THSD4: variants seen among roughly 807,000 people sequenced by gnomAD.
The protein encoded by THSD4 is thrombospondin type-1 domain-containing protein 4.
In THSD4, 69 loss-of-function variants were observed where a neutral mutation model predicts 119.0. The ratio of observed to expected loss-of-function variants is 0.58; its 90% confidence interval spans 0.48 to 0.71. The LOEUF (loss-of-function observed/expected upper bound fraction) is 0.71. Among genes scored for constraint, THSD4 ranks in the 30% least tolerant of loss-of-function variants. The pLI, the probability that THSD4 is intolerant of heterozygous loss-of-function variation, is 0.00. For synonymous variants in THSD4, 524 were observed against 540.4 expected (o/e 0.97, Z 0.42); for missense variants, 1,393 against 1,391.1 (o/e 1.00, Z -0.02).
intron 7 of THSD4, among the ~76,000 whole-genome samples, chr15:71,559,955 ATAT>A (rs2049087369): frequency 6.6e-6 from 1 of 152,196 alleles, no homozygotes; most frequent in South Asian, 2.1e-4. Flanking sequence ...ATAAATGAAA[ATAT>A]TATTTAGTCT....
chr15:71,534,754 G>A lies in THSD4; in HGVS notation c.1152+122931G>A, dbSNP rs1224402651. Among the ~76,000 whole-genome samples the A allele has an allele frequency of 4.6e-5, 7 of 152,244 alleles. No homozygotes were observed. The South Asian group carries it at 1.2e-3, about 27-fold the overall frequency. On this transcript the variant is annotated intron_variant, in intron 7 of 17. Coordinates refer to ENST00000261862, the MANE Select transcript of THSD4 (RefSeq NM_024817.3). ...AGCACTTTGGTAGGCCAAGGCGGGC[G>A]GATCACCTGAGTTCAGGAGTTCGAG...
At chr15:71,470,662 T>C (rs1595798800) in intron 7 of THSD4, among the ~76,000 whole-genome samples, 1 of 151,232 alleles carries the variant, frequency 6.6e-6, no homozygotes, top group South Asian at 2.1e-4. Context: ...GGAGTCTCGC[T>C]CTGTCGCCCA....
At chr15:71,558,624 A>G (rs1251744733) in intron 7 of THSD4, among the ~76,000 whole-genome samples, 1 of 151,984 alleles carries the variant, frequency 6.6e-6, no homozygotes, top group Non-Finnish European at 1.5e-5. Flanking sequence ...GCATGCCACC[A>G]CATCTGGCTA....
intron 3 of THSD4, among the ~76,000 whole-genome samples, chr15:71,214,771 C>T (rs977945946): frequency 6.6e-6 from 1 of 152,234 alleles, no homozygotes; most frequent in African/African-American, 2.4e-5. Flanking sequence ...AAAGGGGACT[C>T]CTGAAACCGC....
rs1236442237 is a variant in THSD4, at chr15:71,242,668, A to G, written c.484A>G (p.Ile162Val). 2.5e-6 allele frequency: 4 copies of G among 1,613,904 alleles called. No homozygotes were observed. In the African/African-American group the frequency reaches 5.3e-5, roughly 22 times the overall value. ...GDRRSRTRGTIGPGKYGYGKA... is the reference protein window; with the variant it reads ...GDRRSRTRGTVGPGKYGYGKA... ...CTTTAGGAGCAGGACCCGTGGTACC[A>G]TTGGCCCTGGCAAGTATGGCTATGG... Residue 162 changes from isoleucine (I) to valine (V), a missense_variant, in exon 5 of 18, where the codon ATT becomes GTT. Physicochemically the swap from Ile to Val is conservative, Grantham distance 29 (BLOSUM62 3). Coordinates refer to ENST00000261862, the MANE Select transcript of THSD4 (RefSeq NM_024817.3).
intron 10 of THSD4, chr15:71,732,584 G>T (rs573590138): frequency 2.0e-5 from 3 of 152,318 alleles, no homozygotes; most frequent in Admixed American, 6.5e-5. Context: ...CTTAGAAACT[G>T]CTGTGCTGAG....
chr15:71,532,789 G>A (rs1205957799), intron 7 of THSD4, among the ~76,000 whole-genome samples: 1 of 151,802 alleles, frequency 6.6e-6, no homozygotes, highest in African/African-American at 2.4e-5. Flanking sequence ...TGTTCTATTC[G>A]AAGCAGAAAA....
chr15:71,338,647 T>G (rs1362882190), intron 6 of THSD4, among the ~76,000 whole-genome samples: 1 of 152,088 alleles, frequency 6.6e-6, no homozygotes, highest in African/African-American at 2.4e-5. Flanking sequence ...CTTTTGTTTT[T>G]GAGTTAGTTC....
chr15:71,372,171 G>A (rs1178103395), intron 6 of THSD4, among the ~76,000 whole-genome samples: 1 of 152,146 alleles, frequency 6.6e-6, no homozygotes, highest in African/African-American at 2.4e-5. Context: ...ATTCTAGTTA[G>A]CCATTTGTCT....
At chr15:71,125,253 G>A (rs572571601) in intron 1 of THSD4, among the ~76,000 whole-genome samples, 4 of 152,336 alleles carry the variant, frequency 2.6e-5, no homozygotes, top group Admixed American at 2.6e-4. Context: ...ACTCCCAACA[G>A]CCTGCTGGCT....
At chr15:71,473,056 CTTT>C (rs35085059) in intron 7 of THSD4, among the ~76,000 whole-genome samples, 22,670 of 129,022 alleles carry the variant, frequency 0.18, 1,620 homozygotes, top group South Asian at 0.3. Context: ...CTGTATTTGG[CTTT>C]TTTTTTTTTT....
intron 8 of THSD4, among the ~76,000 whole-genome samples, chr15:71,727,320 A>G (rs554092843): frequency 6.6e-6 from 1 of 152,018 alleles, no homozygotes; most frequent in Non-Finnish European, 1.5e-5. Context: ...AATGAAGCTG[A>G]CCAGGTACAT....
At chr15:71,352,259 T>A (rs1348357982) in intron 6 of THSD4, among the ~76,000 whole-genome samples, 5 of 152,206 alleles carry the variant, frequency 3.3e-5, no homozygotes, top group African/African-American at 9.7e-5. Context: ...GTGTCACTAT[T>A]ACGTGCAGCC....
At chr15:71,556,276 AT>A (rs1478577626) in intron 7 of THSD4, among the ~76,000 whole-genome samples, 15 of 152,352 alleles carry the variant, frequency 9.8e-5, no homozygotes, top group African/African-American at 3.6e-4. Flanking sequence ...AACATAGTGT[AT>A]AAGCTTTACA....
chr15:71,368,253 T>C (rs1428195738), intron 6 of THSD4, among the ~76,000 whole-genome samples: 4 of 152,348 alleles, frequency 2.6e-5, no homozygotes, highest in Non-Finnish European at 5.9e-5. Context: ...ACTCTGATGG[T>C]TGTTTCTTTT....
At chr15:71,569,770 G>C (rs779712692) in intron 7 of THSD4, among the ~76,000 whole-genome samples, 60 of 152,222 alleles carry the variant, frequency 3.9e-4, no homozygotes, top group Non-Finnish European at 7.6e-4. Context: ...AAGTCGGGCA[G>C]ATCACTTGAG....
chr15:71,395,992 C>T lies in THSD4; in HGVS notation c.1016-15695C>T, dbSNP rs539275519. On this transcript the variant is annotated intron_variant, in intron 6 of 17. Coordinates refer to ENST00000261862, the MANE Select transcript of THSD4 (RefSeq NM_024817.3). Reference sequence around the variant, plus strand: ...TTGAGCACATGGCCTGTTGTTCAGGCGTCGGGATTCGCTGAGTGGACCCAC... The same window carrying T: ...TTGAGCACATGGCCTGTTGTTCAGGTGTCGGGATTCGCTGAGTGGACCCAC... 1.1e-4 allele frequency among the ~76,000 whole-genome samples: 17 copies of T among 149,652 alleles called. 1 individual carries two copies. In the South Asian group the frequency reaches 3.2e-3, roughly 28 times the overall value.
chr15:71,326,507 T>A (rs1355466616), intron 6 of THSD4, among the ~76,000 whole-genome samples: 1 of 148,548 alleles, frequency 6.7e-6, no homozygotes, highest in Non-Finnish European at 1.5e-5. Flanking sequence ...TGAAACCCCG[T>A]CTCTACTAAA....
intron 6 of THSD4, among the ~76,000 whole-genome samples, chr15:71,405,914 T>A (rs967955854): frequency 2.2e-4 from 12 of 55,568 alleles, no homozygotes; most frequent in African/African-American, 3.9e-4. Context: ...GTAAATTGAA[T>A]TCTTTTTCAA....
Sources: gnomAD v4.1 joint callset for allele counts (sites outside exome capture counted in the v4.1 genomes callset) on GRCh38, gnomAD v4.1.1 for gene constraint, MANE v1.5 for transcripts, NCBI Gene and HGNC (gene_info 2026-07-23, HGNC 2026-07-21) for gene names.